HELB: variants seen among roughly 807,000 people sequenced by gnomAD.
The protein encoded by HELB is DNA 5'-3' helicase B.
HELB carries 96 observed loss-of-function variants against 101.7 expected under a neutral mutation model. The ratio of observed to expected loss-of-function variants is 0.94; its 90% confidence interval spans 0.80 to 1.12. The LOEUF (loss-of-function observed/expected upper bound fraction) is 1.12, where lower values mean the gene tolerates loss of function less well. HELB is among the 50% of genes most tolerant of loss of function. The pLI, the probability that HELB is intolerant of heterozygous loss-of-function variation, is 0.00. For missense variants in HELB, 1,210 were observed against 1,291.9 expected (o/e 0.94, Z 0.97); for synonymous variants, 437 against 459.7 (o/e 0.95, Z 0.63).
chr12:66,306,669 A>G (rs566871443), intron 3 of HELB, among the ~76,000 whole-genome samples, 155 bp downstream of exon 3: 24 of 152,332 alleles, frequency 1.6e-4, no homozygotes, highest in African/African-American at 5.3e-4. Flanking sequence ...TAAACTTCTT[A>G]TGGCTATAGC....
Position 66,304,942 on chromosome 12 carries a change from G to A in HELB, c.399G>A (p.Glu133=), listed in dbSNP as rs202176407. The part of the protein sequence containing the change: ...QKHICALFLK[E]CEVSSDDVNK... ...ATATCTGTGCTCTCTTTCTTAAAGA[G>A]TGTGAGGTCTCCAGTGATGATGTTA... The change falls in exon 2 of 13, where the codon GAG becomes GAA. Residue 133 remains glutamate (E), a synonymous_variant. Coordinates refer to ENST00000247815, the MANE Select transcript of HELB (RefSeq NM_001370285.1). 1.2e-6 allele frequency: 2 copies of A among 1,614,024 alleles called. No individual in the cohort carries two copies. Among genetic ancestry groups the A allele is most frequent in the Admixed American group, 1.7e-5 (1 of 60,024 alleles).
At chr12:66,317,862 T>C (rs556585867) in intron 6 of HELB, among the ~76,000 whole-genome samples, 3 of 152,166 alleles carry the variant, frequency 2.0e-5, no homozygotes, top group Non-Finnish European at 4.4e-5. Flanking sequence ...CCACTTTTGT[T>C]TGGGAAAAGG....
At chr12:66,322,143 T>G in intron 8 of HELB, 114 bp downstream of exon 8, 1 of 557,408 alleles carries the variant, frequency 1.8e-6, no homozygotes, top group Non-Finnish European at 3.2e-6. Flanking sequence ...GTTAATTCTC[T>G]TTCTTATTTT....
chr12:66,334,967 T>C (rs2053851332), intron 12 of HELB, among the ~76,000 whole-genome samples: 1 of 152,074 alleles, frequency 6.6e-6, no homozygotes, highest in Non-Finnish European at 1.5e-5. Context: ...AGATGGAGTC[T>C]GTATAACTTT....
At chr12:66,308,396 T>C (rs1322341480) in intron 3 of HELB, among the ~76,000 whole-genome samples, 1 of 152,160 alleles carries the variant, frequency 6.6e-6, no homozygotes, top group African/African-American at 2.4e-5. Context: ...GAATCATACG[T>C]GGAGATTTTA....
chr12:66,313,151 G>A (rs1375295818), intron 4 of HELB, among the ~76,000 whole-genome samples: 1 of 152,084 alleles, frequency 6.6e-6, no homozygotes, highest in Non-Finnish European at 1.5e-5. Context: ...ATGCATTTGG[G>A]TAGGAAATAT....
chr12:66,304,793 G>A lies in HELB; in HGVS notation c.250G>A (p.Gly84Ser), dbSNP rs1308405757. The A allele has an allele frequency of 1.1e-5, 18 of 1,613,948 alleles. No individual in the cohort carries two copies. The highest frequency in any genetic ancestry group is 1.2e-5 in the Non-Finnish European group (14 of 1,179,988). ...AGTGTTTGGACGTTTTCCGATAACAGGTGCTTGGTGGAGAGTGAAGGTACA... is the reference window on the plus strand; with the variant it reads ...AGTGTTTGGACGTTTTCCGATAACAAGTGCTTGGTGGAGAGTGAAGGTACA... ...CKVFGRFPIT[G>S]AWWRVKVQVK... is the part of the protein sequence containing the mutation. Residue 84 changes from glycine (G) to serine (S), a missense_variant, in exon 2 of 13, where the codon GGT becomes AGT. By Grantham distance (56) the Gly-to-Ser change is moderately conservative. Around this residue, in one of 2 missense-constraint regions of HELB, gnomAD observed 470 missense variants for 563.1 expected, o/e 0.83. Transcript: ENST00000247815.
chr12:66,307,256 C>G (rs2053487737), intron 3 of HELB, among the ~76,000 whole-genome samples: 1 of 152,212 alleles, frequency 6.6e-6, no homozygotes, highest in South Asian at 2.1e-4. Flanking sequence ...TCTATGAATT[C>G]AGTATGCTTT....
chr12:66,331,095 G>A, intron 11 of HELB, 59 bp from the exon 12 acceptor site: 3 of 1,526,128 alleles, frequency 2.0e-6, no homozygotes, highest in East Asian at 4.5e-5. Context: ...TTCCTTGTCT[G>A]TAAACTGTCT....
intron 11 of HELB, among the ~76,000 whole-genome samples, chr12:66,328,717 CTAAAT>C (rs1484178973): frequency 1.3e-5 from 2 of 152,008 alleles, no homozygotes; most frequent in Admixed American, 1.3e-4. Context: ...AATTTAGTAT[CTAAAT>C]TGAAATGTTC....
At position 66,310,480 on chromosome 12, in the gene HELB, A is replaced by C; in HGVS notation, c.1552A>C (p.Ile518Leu). The change falls in exon 4 of 13, where the codon ATT (isoleucine) becomes CTT (leucine). Residue 518 changes from isoleucine to leucine, a missense_variant. Around this residue, in one of 2 missense-constraint regions of HELB, gnomAD observed 740 missense variants for 728.8 expected, o/e 1.02. Transcript: ENST00000247815. ...EQDQNASEEW[I>L]TFTEQSQLEA... ...AGACCAGAATGCTTCAGAAGAATGG[A>C]TTACCTTTACTGAGCAAAGTCAACT... The C allele has an allele frequency of 6.2e-7, 1 of 1,614,112 alleles. No homozygotes were observed. Among genetic ancestry groups the C allele is most frequent in the Non-Finnish European group, 8.5e-7 (1 of 1,179,986 alleles).
At position 66,302,584 on chromosome 12, in the gene HELB, G is replaced by C; in HGVS notation, c.-20G>C. On this transcript the variant is annotated 5_prime_UTR_variant, in exon 1 of 13. Coordinates refer to ENST00000247815, the MANE Select transcript of HELB (RefSeq NM_001370285.1). ...TAGCCAGGGTTTTCCCGAGTTGTTT[G>C]GGTTGAGTTCAGGAGAAGCATGGCC... 1 of 1,606,608 alleles carries C rather than the reference G, an allele frequency of 6.2e-7. No homozygotes were observed. Among genetic ancestry groups the C allele is most frequent in the South Asian group, 1.1e-5 (1 of 90,882 alleles).
At chr12:66,315,412 C>T (rs772020383) in intron 6 of HELB, 29 bp downstream of exon 6, 1 of 1,445,952 alleles carries the variant, frequency 6.9e-7, no homozygotes, top group South Asian at 1.6e-5. Context: ...TTTGCATTTT[C>T]TGTCTGTTGT....
intron 1 of HELB, among the ~76,000 whole-genome samples, chr12:66,303,653 A>G (rs1354636958): frequency 3.9e-5 from 6 of 152,186 alleles, no homozygotes; most frequent in African/African-American, 1.4e-4. Flanking sequence ...AAAGGAAAGA[A>G]AAGAAAAAGA....
At chr12:66,316,567 AAAT>A (rs59495617) in intron 6 of HELB, among the ~76,000 whole-genome samples, 53,050 of 144,888 alleles carry the variant, frequency 0.37, 11,367 homozygotes, top group Middle Eastern at 0.56. Flanking sequence ...TGATAAGCTA[AAAT>A]AATAATAATA....
rs1007974769 is a variant in HELB, at chr12:66,331,076, T to C, written c.2671-78T>C. The C allele has an allele frequency of 4.7e-6, 7 of 1,488,210 alleles. No individual in the cohort carries two copies. In the African/African-American group the frequency reaches 7.0e-5, roughly 15 times the overall value. The allele number at this position is 1,488,210 out of a possible 1,614,324, so 92.2% of individuals were successfully genotyped here. On this transcript the variant is annotated intron_variant, in intron 11 of 12. Transcript: ENST00000247815. ...AAGTGCTTGAGAGCACTTTGAACAC[T>C]TGTCTCCTTTCCTTGTCTGTAAACT...
intron 7 of HELB, among the ~76,000 whole-genome samples, chr12:66,320,267 CTCT>C (rs1350948059): frequency 6.6e-6 from 1 of 152,054 alleles, no homozygotes; most frequent in Admixed American, 6.5e-5. Context: ...ATTTTCCTTT[CTCT>C]TCTTCCCCCA....
At chr12:66,331,686 A>G (rs752860827) in intron 12 of HELB, 41 bp downstream of exon 12, 1 of 1,546,164 alleles carries the variant, frequency 6.5e-7, no homozygotes, top group Admixed American at 1.8e-5. Context: ...TTATTTAAAT[A>G]TCGCTAACTT....
At chr12:66,305,191 AT>A (rs751475915) in intron 2 of HELB, 41 bp downstream of exon 2, 12 of 1,173,210 alleles carry the variant, frequency 1.0e-5, no homozygotes, top group Non-Finnish European at 1.5e-5. Context: ...TGTAATTGAC[AT>A]ACTTAATAAC....
Sources: gnomAD v4.1 joint callset for allele counts (sites outside exome capture counted in the v4.1 genomes callset) on GRCh38, gnomAD v4.1.1 for gene constraint, gnomAD v4.1.1 regional missense constraint, MANE v1.5 for transcripts, NCBI Gene and HGNC (gene_info 2026-07-23, HGNC 2026-07-21) for gene names.